Variants in USP25 observed in about 807,000 individuals in gnomAD.
USP25 encodes the protein ubiquitin specific peptidase 25, also known as ubiquitin carboxyl-terminal hydrolase 25.
USP25 carries 85 observed loss-of-function variants against 158.5 expected under a neutral mutation model. The ratio of observed to expected loss-of-function variants is 0.54; its 90% confidence interval spans 0.45 to 0.64. USP25 has a LOEUF of 0.64. Among genes scored for constraint, USP25 ranks in the 30% least tolerant of loss-of-function variants. The pLI is 0.00. For synonymous variants in USP25, 464 were observed against 460.4 expected, an observed-to-expected ratio of 1.01 and a Z score of -0.10; for missense variants, 1,242 against 1,327.3, an observed-to-expected ratio of 0.94 and a Z score of 1.00.
intron 20 of USP25, among the ~76,000 whole-genome samples, chr21:15,861,708 TG>T (rs972930090): frequency 4.6e-5 from 7 of 152,144 alleles, no homozygotes; most frequent in African/African-American, 1.4e-4. Flanking sequence ...CTAGTGAAAA[TG>T]TTTTTTTGTA....
chr21:15,780,970 G>T (rs1023466187), intron 4 of USP25, among the ~76,000 whole-genome samples: 2 of 152,174 alleles, frequency 1.3e-5, no homozygotes, highest in African/African-American at 4.8e-5. Flanking sequence ...AACCATTTAA[G>T]GTGTGTTATG....
At chr21:15,827,739 G>A (rs578218019) in intron 14 of USP25, among the ~76,000 whole-genome samples, 43 of 149,724 alleles carry the variant, frequency 2.9e-4, no homozygotes, top group Middle Eastern at 3.4e-3. Flanking sequence ...TGCTCTGGGT[G>A]GGGTGTGTGC....
chr21:15,744,920 C>G (rs1884271826), intron 1 of USP25: 1 of 152,266 alleles, frequency 6.6e-6, no homozygotes, highest in Non-Finnish European at 1.5e-5. Context: ...AGTAAATGCT[C>G]TTCCAAGCAT....
rs2036869346 is a variant in USP25, at chr21:15,815,107, G to A, written c.932-3591G>A. Among the ~76,000 whole-genome samples the A allele has an allele frequency of 2.0e-5, 3 of 152,014 alleles. No homozygotes were observed. The South Asian group carries it at 6.2e-4, about 32-fold the overall frequency. The stretch of plus-strand genomic sequence containing the variant: ...CTAGAAGGGGCCAAGGTGTAGCTCG[G>A]CCCATTGTTTCAGAGGGTGCAAGCC... On this transcript the variant is annotated intron_variant, in intron 9 of 25. Transcript: ENST00000400183.
chr21:15,819,324 A>G (rs1463763691), intron 10 of USP25, among the ~76,000 whole-genome samples: 3 of 152,178 alleles, frequency 2.0e-5, no homozygotes, highest in Admixed American at 6.5e-5. Context: ...AATCATTTTT[A>G]TAAAATATTG....
At chr21:15,756,213 C>G (rs1438726120) in intron 1 of USP25, among the ~76,000 whole-genome samples, 1 of 152,112 alleles carries the variant, frequency 6.6e-6, no homozygotes, top group African/African-American at 2.4e-5. Flanking sequence ...AGGGAATTAT[C>G]CAAGACAATT....
At chr21:15,842,077 A>G (rs944619431) in intron 17 of USP25, among the ~76,000 whole-genome samples, 8 of 152,112 alleles carry the variant, frequency 5.3e-5, no homozygotes, top group African/African-American at 1.9e-4. Flanking sequence ...GTTCAAACCA[A>G]ATTCTTTTGG....
chr21:15,872,809 A>G (rs1395084272), intron 23 of USP25, among the ~76,000 whole-genome samples: 1 of 152,124 alleles, frequency 6.6e-6, no homozygotes, highest in Non-Finnish European at 1.5e-5. Flanking sequence ...GGGATGTGGA[A>G]TGGATTTATT....
chr21:15,861,281 A>T (rs1020828533), intron 20 of USP25, among the ~76,000 whole-genome samples: 1 of 152,150 alleles, frequency 6.6e-6, no homozygotes, highest in Non-Finnish European at 1.5e-5. Context: ...TCCTTGTTGC[A>T]GGATGATAGG....
At chr21:15,849,415 C>CT (rs2038783319) in intron 19 of USP25, among the ~76,000 whole-genome samples, 1 of 152,112 alleles carries the variant, frequency 6.6e-6, no homozygotes. Flanking sequence ...GATGAGCTCT[C>CT]TGAGGCTTGA....
At chr21:15,807,267 T>C (rs2036438964) in intron 7 of USP25, among the ~76,000 whole-genome samples, 1 of 152,190 alleles carries the variant, frequency 6.6e-6, no homozygotes, top group Non-Finnish European at 1.5e-5. Flanking sequence ...CTTTAATTGT[T>C]TTATTTTATA....
At chr21:15,840,765 C>G (rs1019332978) in intron 17 of USP25, among the ~76,000 whole-genome samples, 1 of 152,198 alleles carries the variant, frequency 6.6e-6, no homozygotes, top group Non-Finnish European at 1.5e-5. Flanking sequence ...TTCTAGGTTT[C>G]AGTGGGTCAT....
At chr21:15,807,792 C>G (rs998688405) in intron 7 of USP25, among the ~76,000 whole-genome samples, 11 of 152,128 alleles carry the variant, frequency 7.2e-5, no homozygotes, top group Admixed American at 6.5e-4. Flanking sequence ...TGACAAAGAC[C>G]ATTATTCTAA....
intron 23 of USP25, among the ~76,000 whole-genome samples, chr21:15,871,157 A>G (rs2039869915): frequency 6.6e-6 from 1 of 152,200 alleles, no homozygotes; most frequent in African/African-American, 2.4e-5. Flanking sequence ...ACAAAAGGAA[A>G]AATTAATGTT....
At chr21:15,791,198 A>AT (rs1159098941) in intron 4 of USP25, among the ~76,000 whole-genome samples, 1 of 151,938 alleles carries the variant, frequency 6.6e-6, no homozygotes, top group East Asian at 1.9e-4. Flanking sequence ...CAGAAAATTC[A>AT]TCTAGATGGT....
At chr21:15,821,286 T>C (rs2037221792) in intron 10 of USP25, among the ~76,000 whole-genome samples, 1 of 151,856 alleles carries the variant, frequency 6.6e-6, no homozygotes, top group African/African-American at 2.4e-5. Context: ...TCAGTGTTTT[T>C]AAAATCTACA....
rs1156758071 is a variant in USP25, at chr21:15,818,781, G to A, written c.1015G>A (p.Ala339Thr). The change falls in exon 10 of 26, where the codon GCT (alanine) becomes ACT (threonine). Residue 339 changes from alanine (A) to threonine (T), a missense_variant. Coordinates refer to ENST00000400183, the MANE Select transcript of USP25 (RefSeq NM_001283041.3). ...GFKDLHECLE[A>T]AMIEGEIESL... ...CAAAGATCTGCATGAGTGCCTAGAA[G>A]CTGCAATGATTGAAGGAGAAATTGA... The A allele has an allele frequency of 1.9e-6, 3 of 1,613,900 alleles. No individual in the cohort carries two copies. Among genetic ancestry groups the A allele is most frequent in the Non-Finnish European group, 8.5e-7 (1 of 1,179,848 alleles).
intron 1 of USP25, among the ~76,000 whole-genome samples, chr21:15,760,624 T>G (rs187914534): frequency 3.3e-4 from 51 of 152,370 alleles, no homozygotes; most frequent in African/African-American, 1.2e-3. Context: ...TATACATAAA[T>G]TGTCAAGCAT....
chr21:15,796,816 A>G (rs897704322), intron 5 of USP25, among the ~76,000 whole-genome samples: 21 of 151,442 alleles, frequency 1.4e-4, no homozygotes, highest in Non-Finnish European at 1.9e-4. Context: ...ATACCAGAAA[A>G]TAAGATGTGT....
Sources: allele counts gnomAD v4.1 joint callset (sites outside exome capture counted in the v4.1 genomes callset), GRCh38; gene constraint gnomAD v4.1.1; transcripts MANE v1.5; gene names NCBI Gene and HGNC (gene_info 2026-07-23, HGNC 2026-07-21).